FHIT: variants seen among roughly 807,000 people sequenced by gnomAD.
The protein encoded by FHIT is bis(5'-adenosyl)-triphosphatase.
FHIT carries 19 observed loss-of-function variants against 17.9 expected under a neutral mutation model. The observed-to-expected ratio is 1.06, with a 90% CI of 0.74 to 1.56. The LOEUF (loss-of-function observed/expected upper bound fraction) is 1.56. Ranked by LOEUF, FHIT falls within the 40% of genes most tolerant of loss-of-function variation. FHIT has a pLI of 0.00. For missense variants in FHIT, 248 were observed against 189.2 expected, an observed-to-expected ratio of 1.31 and a Z score of -1.82; for synonymous variants, 81 against 69.7, an observed-to-expected ratio of 1.16 and a Z score of -0.81.
chr3:60,168,528 A>C (rs1010306839), intron 5 of FHIT, among the ~76,000 whole-genome samples: 3 of 152,044 alleles, frequency 2.0e-5, no homozygotes, highest in Admixed American at 1.3e-4. Context: ...GCAGGTGTCC[A>C]CTCTGCCTGC....
chr3:60,740,394 C>T (rs2042218434), intron 4 of FHIT, among the ~76,000 whole-genome samples: 1 of 152,170 alleles, frequency 6.6e-6, no homozygotes, highest in African/African-American at 2.4e-5. Flanking sequence ...ACCTACCTCA[C>T]GGATTTGTTA....
At chr3:60,499,976 G>C (rs1209716289) in intron 5 of FHIT, among the ~76,000 whole-genome samples, 1 of 152,088 alleles carries the variant, frequency 6.6e-6, no homozygotes. Context: ...GTAAACCTCT[G>C]CACACAAGAA....
intron 5 of FHIT, among the ~76,000 whole-genome samples, chr3:60,332,460 A>G (rs1399406124): frequency 6.6e-6 from 1 of 152,220 alleles, no homozygotes; most frequent in Non-Finnish European, 1.5e-5. Context: ...TGAATGAAGA[A>G]CGAGCTAGGT....
At chr3:60,629,014 C>G (rs556342416) in intron 4 of FHIT, among the ~76,000 whole-genome samples, 1 of 152,180 alleles carries the variant, frequency 6.6e-6, no homozygotes, top group African/African-American at 2.4e-5. Flanking sequence ...ACTGGGGCCT[C>G]AATATTCTCA....
chr3:60,339,946 A>C (rs559923135), intron 5 of FHIT, among the ~76,000 whole-genome samples: 23 of 152,260 alleles, frequency 1.5e-4, no homozygotes, highest in Admixed American at 1.3e-3. Context: ...AAAGTTGCCA[A>C]TCACTCACTG....
At chr3:60,622,340 T>A (rs2039157162) in intron 4 of FHIT, among the ~76,000 whole-genome samples, 1 of 152,070 alleles carries the variant, frequency 6.6e-6, no homozygotes, top group African/African-American at 2.4e-5. Context: ...GTTCTTTATG[T>A]GGATTTTTTG....
At chr3:60,185,250 T>TG in intron 5 of FHIT, among the ~76,000 whole-genome samples, 1 of 151,704 alleles carries the variant, frequency 6.6e-6, no homozygotes, top group East Asian at 1.9e-4. Flanking sequence ...TTTCATGGTG[T>TG]GGGGAAAAAA....
At chr3:60,345,881 C>T (rs918477344) in intron 5 of FHIT, among the ~76,000 whole-genome samples, 1 of 152,174 alleles carries the variant, frequency 6.6e-6, no homozygotes, top group Non-Finnish European at 1.5e-5. Context: ...CACACAGATG[C>T]ATTCTATTAA....
intron 3 of FHIT, among the ~76,000 whole-genome samples, chr3:60,885,535 G>A (rs1270034401): frequency 6.6e-6 from 1 of 151,998 alleles, no homozygotes; most frequent in Non-Finnish European, 1.5e-5. Flanking sequence ...TCATGCCTTG[G>A]CCTAAAACTC....
Position 61,217,740 on chromosome 3 carries a change from A to G in FHIT, c.-212-17075T>C, listed in dbSNP as rs530810432. 3.3e-5 allele frequency among the ~76,000 whole-genome samples: 5 copies of G among 152,392 alleles called. No individual in the cohort carries two copies. In the East Asian group the frequency reaches 9.6e-4, roughly 29 times the overall value. ...ATCTGCCACAACATTCTTTACAAGC[A>G]CATATGAAACATAAGCAAAAATTAA... On this transcript the variant is annotated intron_variant, in intron 1 of 9. Coordinates refer to ENST00000492590, the MANE Select transcript of FHIT (RefSeq NM_002012.4).
At chr3:60,609,273 T>A (rs1379370358) in intron 4 of FHIT, among the ~76,000 whole-genome samples, 2 of 152,176 alleles carry the variant, frequency 1.3e-5, no homozygotes, top group African/African-American at 2.4e-5. Flanking sequence ...ATTCTGGTAC[T>A]GTCTAAGGCT....
chr3:60,771,786 C>T (rs9828177), intron 4 of FHIT, among the ~76,000 whole-genome samples: 6,587 of 152,238 alleles, frequency 0.043, 474 homozygotes, highest in African/African-American at 0.15. Context: ...ATCAGCAGTG[C>T]TTCTCATTTA....
At chr3:60,721,311 A>G (rs1382627855) in intron 4 of FHIT, among the ~76,000 whole-genome samples, 3 of 152,142 alleles carry the variant, frequency 2.0e-5, no homozygotes, top group East Asian at 1.9e-4. Flanking sequence ...ATGATTAAGA[A>G]CACACATATT....
At chr3:60,539,279 A>C (rs1055629888) in intron 4 of FHIT, among the ~76,000 whole-genome samples, 7 of 152,224 alleles carry the variant, frequency 4.6e-5, no homozygotes, top group African/African-American at 1.4e-4. Context: ...CGATCAGTAA[A>C]AAGTCAGGAA....
intron 1 of FHIT, among the ~76,000 whole-genome samples, chr3:61,215,262 C>T (rs1396252690): frequency 4.0e-5 from 6 of 151,292 alleles, no homozygotes; most frequent in Non-Finnish European, 8.9e-5. Context: ...CTAGAAAACC[C>T]CATCACCTCA....
chr3:60,709,814 C>T (rs2041470900), intron 4 of FHIT, among the ~76,000 whole-genome samples: 1 of 152,182 alleles, frequency 6.6e-6, no homozygotes, highest in Non-Finnish European at 1.5e-5. Context: ...TCACTATCAA[C>T]AAATACTGGC....
intron 2 of FHIT, among the ~76,000 whole-genome samples, chr3:61,143,564 A>G (rs1242368331): frequency 6.6e-6 from 1 of 152,146 alleles, no homozygotes; most frequent in Non-Finnish European, 1.5e-5. Context: ...AAGAAAATTA[A>G]TACCTAAAAA....
chr3:60,507,755 A>G (rs572469855), intron 5 of FHIT, among the ~76,000 whole-genome samples: 2 of 152,220 alleles, frequency 1.3e-5, no homozygotes, highest in South Asian at 2.1e-4. Flanking sequence ...ACTCCCACTT[A>G]TAAGTGAGAA....
intron 3 of FHIT, among the ~76,000 whole-genome samples, chr3:60,922,449 G>C (rs1707334667): frequency 6.6e-6 from 1 of 152,144 alleles, no homozygotes; most frequent in African/African-American, 2.4e-5. Context: ...TGCCCCTTGG[G>C]ACTCACAGAA....
Sources: allele counts gnomAD v4.1 joint callset (sites outside exome capture counted in the v4.1 genomes callset), GRCh38; gene constraint gnomAD v4.1.1; transcripts MANE v1.5; gene names NCBI Gene and HGNC (gene_info 2026-07-23, HGNC 2026-07-21).